The following TBC1D5 variants were observed in gnomAD, a reference collection of about 807,000 sequenced individuals.
TBC1D5 encodes TBC1 domain family member 5, also known as TBC1 domain family, member 5.
In TBC1D5, 75 loss-of-function variants were observed where a neutral mutation model predicts 100.3. The observed-to-expected ratio is 0.75, with a 90% CI of 0.62 to 0.91. The LOEUF (loss-of-function observed/expected upper bound fraction) is 0.91, where lower values mean the gene tolerates loss of function less well. TBC1D5 is among the 40% of genes least tolerant of loss of function. The pLI is 0.00. For synonymous variants in TBC1D5, 323 were observed against 325.6 expected (o/e 0.99, Z 0.09); for missense variants, 910 against 942.4 (o/e 0.97, Z 0.45).
exon 22 of TBC1D5, chr3:17,157,646 G>A (rs1262649929): frequency 6.6e-6 from 1 of 152,264 alleles, no homozygotes; most frequent in Non-Finnish European, 1.5e-5. Flanking sequence ...GCCACTCTAT[G>A]TGGGGACCTA....
At chr3:17,591,954 G>A (rs1175269259) in intron 2 of TBC1D5, among the ~76,000 whole-genome samples, 4 of 152,194 alleles carry the variant, frequency 2.6e-5, no homozygotes, top group Admixed American at 6.5e-5. Context: ...AATAGATCTT[G>A]GAGAATGACA....
rs571414324 is a variant in TBC1D5, at chr3:17,694,949, T to C, written c.-101+44394A>G. 1.3e-4 allele frequency among the ~76,000 whole-genome samples: 20 copies of C among 152,280 alleles called. No individual in the cohort carries two copies. The East Asian group carries it at 3.7e-3, about 28-fold the overall frequency. ...GACAGTGGGGGCCAATATTCAACATTCTTAAAGAAAGAATTTTCAACCCAG... is the reference window on the plus strand; with the variant it reads ...GACAGTGGGGGCCAATATTCAACATCCTTAAAGAAAGAATTTTCAACCCAG... On this transcript the variant is annotated intron_variant, in intron 1 of 21. Coordinates refer to ENST00000253692, the Ensembl canonical transcript of TBC1D5.
intron 2 of TBC1D5, among the ~76,000 whole-genome samples, chr3:17,543,866 G>T (rs1395333759): frequency 4.2e-5 from 6 of 144,510 alleles, no homozygotes; most frequent in Admixed American, 3.4e-4. Context: ...AAAGTTGTTT[G>T]TTTTTTTTTT....
At chr3:17,661,618 A>G (rs1440918928) in intron 1 of TBC1D5, among the ~76,000 whole-genome samples, 2 of 151,094 alleles carry the variant, frequency 1.3e-5, no homozygotes, top group African/African-American at 4.9e-5. Flanking sequence ...CCCCTGCCTC[A>G]GCCTCCTGAG....
At chr3:17,578,434 TAAAC>T (rs894968041) in intron 2 of TBC1D5, among the ~76,000 whole-genome samples, 140 of 152,146 alleles carry the variant, frequency 9.2e-4, no homozygotes, top group African/African-American at 3.2e-3. Context: ...AACATGAACT[TAAAC>T]CCATTTGTTA....
At chr3:17,630,267 C>T (rs2063381703) in intron 1 of TBC1D5, among the ~76,000 whole-genome samples, 1 of 152,160 alleles carries the variant, frequency 6.6e-6, no homozygotes, top group Non-Finnish European at 1.5e-5. Context: ...GCAGATGCTG[C>T]ATTTTTTTTA....
chr3:17,193,495 C>T (rs1483426536), intron 18 of TBC1D5, among the ~76,000 whole-genome samples: 3 of 152,140 alleles, frequency 2.0e-5, no homozygotes, highest in Non-Finnish European at 4.4e-5. Flanking sequence ...GTGGGTGCGA[C>T]ATATGGGGTA....
intron 4 of TBC1D5, among the ~76,000 whole-genome samples, chr3:17,426,496 T>C (rs955955258): frequency 6.7e-6 from 1 of 149,690 alleles, no homozygotes; most frequent in African/African-American, 2.5e-5. Context: ...ACATACTGTA[T>C]TACTTGAGCT....
At chr3:17,677,185 C>T (rs1231475799) in intron 1 of TBC1D5, among the ~76,000 whole-genome samples, 1 of 152,052 alleles carries the variant, frequency 6.6e-6, no homozygotes, top group African/African-American at 2.4e-5. Flanking sequence ...TTCTGCACAG[C>T]AAAAGAAACT....
chr3:17,603,761 C>T (rs535443433), intron 2 of TBC1D5, among the ~76,000 whole-genome samples: 5 of 152,152 alleles, frequency 3.3e-5, no homozygotes, highest in African/African-American at 7.2e-5. Flanking sequence ...TGGCTCTCTG[C>T]CTCAACCTCC....
At chr3:17,242,937 A>G (rs1209968530) in intron 16 of TBC1D5, among the ~76,000 whole-genome samples, 2 of 152,144 alleles carry the variant, frequency 1.3e-5, no homozygotes, top group Non-Finnish European at 2.9e-5. Flanking sequence ...TTCTCATCTG[A>G]TAGTGTGAAA....
intron 15 of TBC1D5, among the ~76,000 whole-genome samples, chr3:17,271,209 TAGGAC>T (rs2079389311): frequency 6.6e-6 from 1 of 152,200 alleles, no homozygotes; most frequent in Non-Finnish European, 1.5e-5. Context: ...CTTTGGGCAG[TAGGAC>T]ATTTTAATGG....
chr3:17,422,287 G>C (rs1575827194), intron 4 of TBC1D5, among the ~76,000 whole-genome samples: 1 of 151,962 alleles, frequency 6.6e-6, no homozygotes, highest in Admixed American at 6.6e-5. Flanking sequence ...TTGTGCCTCA[G>C]ACTTCCGAGT....
intron 2 of TBC1D5, among the ~76,000 whole-genome samples, chr3:17,552,701 G>C (rs1042037479): frequency 6.6e-6 from 1 of 152,148 alleles, no homozygotes; most frequent in Non-Finnish European, 1.5e-5. Context: ...AAAAGTTGAT[G>C]AGATGGAGAG....
chr3:17,324,339 T>C (rs1380577727), intron 13 of TBC1D5, among the ~76,000 whole-genome samples: 1 of 152,166 alleles, frequency 6.6e-6, no homozygotes, highest in African/African-American at 2.4e-5. Flanking sequence ...CTTTGAAAGG[T>C]ACCATTAAGA....
At chr3:17,253,455 C>T (rs1407946811) in intron 16 of TBC1D5, among the ~76,000 whole-genome samples, 2 of 152,128 alleles carry the variant, frequency 1.3e-5, no homozygotes, top group African/African-American at 4.8e-5. Context: ...TAGTCCAGAG[C>T]AAATACATCT....
chr3:17,541,715 T>C (rs1315341753), intron 2 of TBC1D5, among the ~76,000 whole-genome samples: 1 of 152,234 alleles, frequency 6.6e-6, no homozygotes, highest in Non-Finnish European at 1.5e-5. Flanking sequence ...GAACATCCAT[T>C]ACTATGTTGA....
At chr3:17,564,028 C>A (rs540699413) in intron 2 of TBC1D5, among the ~76,000 whole-genome samples, 1 of 152,164 alleles carries the variant, frequency 6.6e-6, no homozygotes, top group Non-Finnish European at 1.5e-5. Context: ...GTGATCCGCC[C>A]GCCTTGGCCT....
At chr3:17,450,537 T>C (rs946536394) in intron 3 of TBC1D5, among the ~76,000 whole-genome samples, 2 of 152,056 alleles carry the variant, frequency 1.3e-5, no homozygotes, top group African/African-American at 2.4e-5. Context: ...GAGAAGAACA[T>C]AAATGACCCG....
Sources: gnomAD v4.1 joint callset for allele counts (sites outside exome capture counted in the v4.1 genomes callset) on GRCh38, gnomAD v4.1.1 for gene constraint, MANE v1.5 for transcripts, NCBI Gene and HGNC (gene_info 2026-07-23, HGNC 2026-07-21) for gene names.